The following RRP15 variants were observed in gnomAD, a reference collection of about 807,000 sequenced individuals.
The protein encoded by RRP15 is RRP15-like protein.
In RRP15, 18 loss-of-function variants were observed where a neutral mutation model predicts 27.1. The observed-to-expected ratio is 0.66, with a 90% confidence interval of 0.46 to 0.98. The LOEUF (loss-of-function observed/expected upper bound fraction) is 0.98, where lower values mean the gene tolerates loss of function less well. Among genes scored for constraint, RRP15 ranks in the 50% least tolerant of loss-of-function variants. The pLI, the probability that RRP15 is intolerant of heterozygous loss-of-function variation, is 0.00. For missense variants in RRP15, 359 were observed against 337.8 expected (o/e 1.06, Z -0.49); for synonymous variants, 107 against 109.4 (o/e 0.98, Z 0.14).
chr1:218,289,753 G>C (rs895453908), intron 1 of RRP15, among the ~76,000 whole-genome samples: 2 of 152,154 alleles, frequency 1.3e-5, no homozygotes, highest in African/African-American at 4.8e-5. Flanking sequence ...TATGATCTCA[G>C]GTCACCCCAA....
intron 4 of RRP15, among the ~76,000 whole-genome samples, chr1:218,323,460 G>A (rs770295531): frequency 8.4e-4 from 128 of 152,240 alleles, no homozygotes; most frequent in Middle Eastern, 3.4e-3. Flanking sequence ...TAGAGGAGAG[G>A]AACTGAGTAC....
At position 218,324,466 on chromosome 1, in the gene RRP15, C is replaced by T. The variant is rs79399338; in HGVS notation, c.706-6482C>T. 5.7e-3 allele frequency among the ~76,000 whole-genome samples: 866 copies of T among 152,282 alleles called. 6 individuals carry two copies. The highest frequency in any genetic ancestry group is 0.019 in the African/African-American group (789 of 41,556). ...GACACAATTATCTGCCTCAGGGACG[C>T]GGGGCACAAGGGTTCCAGCGCCGCC... On this transcript the variant is annotated intron_variant, in intron 4 of 4. Coordinates refer to ENST00000366932, the MANE Select transcript of RRP15 (RefSeq NM_016052.4).
At chr1:218,317,623 T>C (rs1463959007) in intron 4 of RRP15, among the ~76,000 whole-genome samples, 6 of 152,208 alleles carry the variant, frequency 3.9e-5, no homozygotes, top group Non-Finnish European at 7.3e-5. Flanking sequence ...GACTTTCTCT[T>C]CATTTGTCAA....
chr1:218,332,205 A>G lies in RRP15; in HGVS notation c.*1114A>G, dbSNP rs973814624. On this transcript the variant is annotated 3_prime_UTR_variant, in exon 5 of 5. Transcript: ENST00000366932. ...TTTGAGTTAGCTTAAATTCTTTTTTATGGACTGCCCAACCAGTGAATTGAT... is the reference window on the plus strand; with the variant it reads ...TTTGAGTTAGCTTAAATTCTTTTTTGTGGACTGCCCAACCAGTGAATTGAT... 2.0e-5 allele frequency: 3 copies of G among 151,924 alleles called. No individual in the cohort carries two copies. The highest frequency in any genetic ancestry group is 7.3e-5 in the African/African-American group (3 of 41,350). The allele number at this position is 151,924 out of a possible 1,614,324, so 9.4% of individuals were successfully genotyped here. A position where few individuals can be genotyped will look rare whatever the true frequency, so the allele number is the denominator to read the frequency against.
chr1:218,311,619 G>A (rs1307930739), intron 4 of RRP15, among the ~76,000 whole-genome samples: 1 of 152,100 alleles, frequency 6.6e-6, no homozygotes, highest in Non-Finnish European at 1.5e-5. Flanking sequence ...CTGTCATTTT[G>A]CAACATTGCT....
chr1:218,311,447 TTTTTCCTGGAG>T (rs1655995152), intron 4 of RRP15, among the ~76,000 whole-genome samples: 4 of 152,242 alleles, frequency 2.6e-5, no homozygotes, highest in Non-Finnish European at 5.9e-5. Context: ...ACAATTTTTA[TTTTTCCTGGAG>T]TTATCACTTG....
intron 4 of RRP15, 116 bp downstream of exon 4, chr1:218,307,748 T>C: frequency 1.4e-6 from 1 of 738,400 alleles, no homozygotes; most frequent in Non-Finnish European, 2.2e-6. Context: ...TAAATTTTAT[T>C]AAAATTCCTC....
At chr1:218,309,541 G>A (rs1319122793) in intron 4 of RRP15, among the ~76,000 whole-genome samples, 2 of 151,816 alleles carry the variant, frequency 1.3e-5, no homozygotes, top group African/African-American at 2.4e-5. Context: ...AAATTAACTG[G>A]GCATGGTGGC....
chr1:218,306,695 A>C (rs1655905285), intron 3 of RRP15, among the ~76,000 whole-genome samples: 1 of 152,220 alleles, frequency 6.6e-6, no homozygotes, highest in African/African-American at 2.4e-5. Context: ...TTTGTAATTT[A>C]ATATGTAATT....
At chr1:218,295,869 A>T (rs558235771) in intron 1 of RRP15, among the ~76,000 whole-genome samples, 1 of 151,986 alleles carries the variant, frequency 6.6e-6, no homozygotes, top group African/African-American at 2.4e-5. Flanking sequence ...ATTTTTGGTT[A>T]TTTTTATGGA....
rs922453817 is a variant in RRP15 at position 218,331,329 on chromosome 1, T to G, written c.*238T>G. ...CATTTGTAAAAGGATATATTTCTGC[T>G]TGACCAGCGAGATGTGCATTTTGCC... On this transcript the variant is annotated 3_prime_UTR_variant, in exon 5 of 5. Coordinates refer to ENST00000366932, the MANE Select transcript of RRP15 (RefSeq NM_016052.4). The G allele has an allele frequency of 3.1e-6, 1 of 318,980 alleles. No homozygotes were observed. Among genetic ancestry groups the G allele is most frequent in the African/African-American group, 2.1e-5 (1 of 46,726 alleles). 19.8% of individuals were successfully genotyped at this position (318,980 alleles called of 1,614,324 possible). A position where few individuals can be genotyped will look rare whatever the true frequency, so the allele number is the denominator to read the frequency against.
At chr1:218,296,274 C>G (rs1015192609) in intron 1 of RRP15, among the ~76,000 whole-genome samples, 2 of 152,144 alleles carry the variant, frequency 1.3e-5, no homozygotes, top group African/African-American at 4.8e-5. Context: ...TTAGCTTTGC[C>G]TTTTTGACTT....
chr1:218,326,917 C>G (rs182931528), intron 4 of RRP15, among the ~76,000 whole-genome samples: 2 of 152,314 alleles, frequency 1.3e-5, no homozygotes, highest in Non-Finnish European at 2.9e-5. Context: ...TATTTTGGTT[C>G]TTCCACTTCA....
In RRP15 at chr1:218,302,465, C is replaced by T. The variant is rs751713201; in HGVS notation, c.311C>T (p.Thr104Ile). The change falls in exon 2 of 5, where the codon ACT becomes ATT. Residue 104 changes from threonine to isoleucine, a missense_variant. By Grantham distance (89) the Thr-to-Ile change is moderately conservative. Transcript: ENST00000366932. Reference protein sequence around the residue: ...DAMAKVLNKKTPESKPTILVK... With the variant: ...DAMAKVLNKKIPESKPTILVK... ...ATGGCTAAAGTCCTCAACAAGAAAA[C>T]TCCTGAAAGTAAACCTACTATTCTG... The T allele has an allele frequency of 6.2e-7, 1 of 1,614,076 alleles. No individual in the cohort carries two copies. Among genetic ancestry groups the T allele is most frequent in the South Asian group, 1.1e-5 (1 of 91,072 alleles).
chr1:218,304,002 T>A (rs761934118), intron 2 of RRP15, among the ~76,000 whole-genome samples: 64 of 151,802 alleles, frequency 4.2e-4, no homozygotes, highest in Non-Finnish European at 5.9e-4. Context: ...AGTAAGATTT[T>A]AAAAAAAAAT....
Position 218,335,614 on chromosome 1 carries a change from T to G in RRP15, c.*4523T>G, listed in dbSNP as rs1656436751. ...AACTAAATTTTTAATTTTACTTAAT[T>G]ACTTTAAATTTTAAAAGTTACACGT... is the stretch of plus-strand genomic sequence containing the variant. On this transcript the variant is annotated 3_prime_UTR_variant, in exon 5 of 5. Transcript: ENST00000366932. The G allele has an allele frequency of 1.3e-5, 2 of 152,320 alleles. No homozygotes were observed. The highest frequency in any genetic ancestry group is 4.8e-5 in the African/African-American group (2 of 41,570). 9.4% of individuals were successfully genotyped at this position (152,320 alleles called of 1,614,324 possible).
Position 218,333,790 on chromosome 1 carries a change from T to C in RRP15, c.*2699T>C, listed in dbSNP as rs1656410103. The C allele has an allele frequency of 1.3e-5, 2 of 152,158 alleles. No individual in the cohort carries two copies. The highest frequency in any genetic ancestry group is 2.9e-5 in the Non-Finnish European group (2 of 68,028). The allele number at this position is 152,158 out of a possible 1,614,324, so 9.4% of individuals were successfully genotyped here. On this transcript the variant is annotated 3_prime_UTR_variant, in exon 5 of 5. Transcript: ENST00000366932. ...CTTGGATTACAGGTGTGAGCCACCA[T>C]ACCACCTGTCTTTGAATTTTTTAAC... is the stretch of plus-strand genomic sequence containing the variant.
rs2799093 is a variant in RRP15 at position 218,310,819 on chromosome 1, G to C, written c.705+3187G>C. Among the ~76,000 whole-genome samples, 1,314 of 151,952 alleles carry C rather than the reference G, an allele frequency of 8.6e-3. 16 individuals are homozygous for C. Among genetic ancestry groups the C allele is most frequent in the African/African-American group, 0.03 (1,229 of 41,436 alleles). ...GCAGGAGTGCAGTGGAGCAATCTCA[G>C]CTCATTGCAACTTCCGCCTCCTGGG... On this transcript the variant is annotated intron_variant, in intron 4 of 4. Transcript: ENST00000366932.
At chr1:218,327,185 G>A (rs1483313068) in intron 4 of RRP15, among the ~76,000 whole-genome samples, 1 of 152,192 alleles carries the variant, frequency 6.6e-6, no homozygotes, top group Non-Finnish European at 1.5e-5. Context: ...AGTTGAGCAA[G>A]ACTAGTTGTT....
Sources: gnomAD v4.1 joint callset for allele counts (sites outside exome capture counted in the v4.1 genomes callset) on GRCh38, gnomAD v4.1.1 for gene constraint, MANE v1.5 for transcripts, NCBI Gene and HGNC (gene_info 2026-07-23, HGNC 2026-07-21) for gene names.